NRG1: variants seen among roughly 807,000 people sequenced by gnomAD.
NRG1 encodes neuregulin 1.
Under a neutral mutation model 63.8 loss-of-function variants are expected in NRG1, and 18 were observed. The observed-to-expected ratio is 0.28, with a 90% CI of 0.19 to 0.42. NRG1 has a LOEUF of 0.42. NRG1 is among the 10% of genes least tolerant of loss of function. The probability of loss-of-function intolerance (pLI) is 1.00; values close to 1 mark genes in which losing one functional copy is unlikely to be tolerated. For missense variants in NRG1, 762 were observed against 814.7 expected (o/e 0.94, Z 0.79); for synonymous variants, 302 against 301.3 (o/e 1.00, Z -0.02).
At chr8:31,977,526 T>G (rs1027436364) in intron 1 of NRG1, among the ~76,000 whole-genome samples, 4 of 152,160 alleles carry the variant, frequency 2.6e-5, no homozygotes, top group Non-Finnish European at 1.5e-5. Context: ...ACCATTTTTT[T>G]CTTCTTCCAA....
At chr8:32,573,967 A>G (rs559843053) in intron 1 of NRG1, among the ~76,000 whole-genome samples, 20 of 152,202 alleles carry the variant, frequency 1.3e-4, no homozygotes, top group Non-Finnish European at 1.8e-4. Flanking sequence ...CCATGTCCCT[A>G]CAAAGGACAT....
intron 1 of NRG1, among the ~76,000 whole-genome samples, chr8:32,309,235 A>G (rs1402942731): frequency 6.6e-6 from 1 of 152,120 alleles, no homozygotes; most frequent in Non-Finnish European, 1.5e-5. Context: ...CTTAATTACC[A>G]GAGACTTGGA....
intron 1 of NRG1, among the ~76,000 whole-genome samples, chr8:31,856,720 T>C (rs1251561550): frequency 3.9e-5 from 6 of 152,216 alleles, no homozygotes; most frequent in Non-Finnish European, 7.3e-5. Context: ...TTTTCTGCTC[T>C]GTTTTTTCCC....
chr8:31,666,010 G>A (rs1054289985), intron 1 of NRG1, among the ~76,000 whole-genome samples: 1 of 152,106 alleles, frequency 6.6e-6, no homozygotes, highest in Non-Finnish European at 1.5e-5. Context: ...GTTTTTAAAT[G>A]TGCCTCCTAC....
intron 1 of NRG1, among the ~76,000 whole-genome samples, chr8:31,820,976 A>G (rs1001904630): frequency 1.3e-5 from 2 of 152,200 alleles, no homozygotes; most frequent in Non-Finnish European, 2.9e-5. Flanking sequence ...ACCAAAATCC[A>G]TGGATGCTCT....
chr8:31,892,111 T>A (rs2129614042), intron 1 of NRG1, among the ~76,000 whole-genome samples: 1 of 152,250 alleles, frequency 6.6e-6, no homozygotes, highest in South Asian at 2.1e-4. Flanking sequence ...TTGTGAGATG[T>A]TACCATGGGG....
chr8:32,086,996 C>T lies in NRG1; in HGVS notation c.37+447565C>T, dbSNP rs113477690. 1.1e-4 allele frequency among the ~76,000 whole-genome samples: 17 copies of T among 152,280 alleles called. 1 individual carries two copies. Among genetic ancestry groups the T allele is most frequent in the Admixed American group, 3.9e-4 (6 of 15,300 alleles). On this transcript the variant is annotated intron_variant, in intron 1 of 10. Coordinates refer to the NRG1 transcript ENST00000519301. ...TTTCATAGAAGATCTTAGCATCTGA[C>T]GTAACTGAAACTACATGCATCGAAT...
chr8:32,566,157 GA>G (rs1196963908), intron 1 of NRG1, among the ~76,000 whole-genome samples: 2 of 151,990 alleles, frequency 1.3e-5, no homozygotes, highest in Non-Finnish European at 2.9e-5. Context: ...AGGAGTTCGT[GA>G]CCAGCCTGAC....
At chr8:32,009,452 T>C (rs546444907) in intron 1 of NRG1, among the ~76,000 whole-genome samples, 2 of 152,058 alleles carry the variant, frequency 1.3e-5, no homozygotes, top group Non-Finnish European at 2.9e-5. Flanking sequence ...AACAGGCCAT[T>C]GCTGTGCTGG....
At chr8:32,356,483 C>CT (rs770320354) in intron 1 of NRG1, among the ~76,000 whole-genome samples, 1 of 121,038 alleles carries the variant, frequency 8.3e-6, no homozygotes, top group Non-Finnish European at 1.8e-5. Flanking sequence ...GACCCCCCCC[C>CT]CACCCGCCGG....
At chr8:32,001,666 A>T (rs1003914314) in intron 1 of NRG1, among the ~76,000 whole-genome samples, 1 of 151,980 alleles carries the variant, frequency 6.6e-6, no homozygotes, top group Admixed American at 6.6e-5. Context: ...CTTAGCTGCA[A>T]TGTTTTCTCA....
chr8:31,737,383 T>G (rs1333041606), intron 1 of NRG1, among the ~76,000 whole-genome samples: 1 of 152,130 alleles, frequency 6.6e-6, no homozygotes, highest in Non-Finnish European at 1.5e-5. Context: ...TTAACTTGAC[T>G]GCATCATCTA....
chr8:31,917,145 T>A (rs1466148154), intron 1 of NRG1, among the ~76,000 whole-genome samples: 1 of 96,630 alleles, frequency 1.0e-5, no homozygotes. Flanking sequence ...TTTTCTCCCA[T>A]TTTGTAGGTT....
chr8:31,779,975 C>G (rs183354771), intron 1 of NRG1, among the ~76,000 whole-genome samples: 170 of 152,280 alleles, frequency 1.1e-3, no homozygotes, highest in Admixed American at 3.7e-3. Context: ...CAAGAACCAA[C>G]GAGAATACAT....
intron 1 of NRG1, among the ~76,000 whole-genome samples, chr8:32,345,837 A>G (rs1402368203): frequency 6.6e-6 from 1 of 151,546 alleles, no homozygotes. Context: ...GGCCAACCCC[A>G]TCTCTACTAA....
At chr8:32,059,976 C>T (rs1012666231) in intron 1 of NRG1, among the ~76,000 whole-genome samples, 4 of 151,870 alleles carry the variant, frequency 2.6e-5, no homozygotes, top group Non-Finnish European at 5.9e-5. Flanking sequence ...ACTGTGTTTA[C>T]TCCCTCTACT....
chr8:32,577,129 C>G (rs1312489413), intron 1 of NRG1, among the ~76,000 whole-genome samples: 2 of 152,180 alleles, frequency 1.3e-5, no homozygotes, highest in African/African-American at 4.8e-5. Context: ...AGCTGCATCC[C>G]TGTTGCTACA....
At chr8:31,956,498 C>T (rs919319266) in intron 1 of NRG1, among the ~76,000 whole-genome samples, 9 of 152,022 alleles carry the variant, frequency 5.9e-5, no homozygotes. Context: ...CGGGTGCCCC[C>T]CTGTAGTCCC....
chr8:32,069,034 T>A (rs1825335287), intron 1 of NRG1, among the ~76,000 whole-genome samples: 1 of 151,918 alleles, frequency 6.6e-6, no homozygotes, highest in Non-Finnish European at 1.5e-5. Flanking sequence ...TATCAGGAAG[T>A]TTTTCCAGCT....
Sources: allele counts gnomAD v4.1 joint callset (sites outside exome capture counted in the v4.1 genomes callset), GRCh38; gene constraint gnomAD v4.1.1; transcripts MANE v1.5; gene names NCBI Gene and HGNC (gene_info 2026-07-23, HGNC 2026-07-21).